GFRA1: variants seen among roughly 807,000 people sequenced by gnomAD.
GFRA1 encodes the protein GDNF family receptor alpha-1.
In GFRA1, 16 loss-of-function variants were observed where a neutral mutation model predicts 51.6. The observed-to-expected ratio is 0.31, with a 90% confidence interval of 0.21 to 0.47. GFRA1 has a LOEUF of 0.47. GFRA1 is among the 20% of genes least tolerant of loss of function. The probability of loss-of-function intolerance (pLI) is 1.00; values close to 1 mark genes in which losing one functional copy is unlikely to be tolerated. For synonymous variants in GFRA1, 270 were observed against 241.3 expected, an observed-to-expected ratio of 1.12 and a Z score of -1.10; for missense variants, 530 against 594.3, an observed-to-expected ratio of 0.89 and a Z score of 1.13.
At chr10:116,093,621 G>T in intron 8 of GFRA1, 81 bp downstream of exon 8, 1 of 1,244,518 alleles carries the variant, frequency 8.0e-7, no homozygotes, top group Non-Finnish European at 1.2e-6. Context: ...AGAGGTACAG[G>T]CACAAGGTAC....
chr10:116,120,738 T>C (rs1589804507), intron 6 of GFRA1, among the ~76,000 whole-genome samples: 2 of 152,278 alleles, frequency 1.3e-5, no homozygotes, highest in African/African-American at 4.8e-5. Flanking sequence ...CAGAGCAAAA[T>C]GTCATGCTTT....
At chr10:116,089,714 A>G in intron 9 of GFRA1, 27 bp downstream of exon 9, 1 of 1,603,952 alleles carries the variant, frequency 6.2e-7, no homozygotes, top group Non-Finnish European at 8.5e-7. Context: ...AGGGAGCCCC[A>G]GCAAGGAATC....
At chr10:116,258,777 C>A (rs186976972) in intron 4 of GFRA1, among the ~76,000 whole-genome samples, 10 of 152,240 alleles carry the variant, frequency 6.6e-5, no homozygotes, top group Middle Eastern at 3.4e-3. Context: ...GCTAAGAGTA[C>A]CTCTACTGAA....
chr10:116,064,114 C>A lies in GFRA1; in HGVS notation c.*284G>T. 1 of 330,354 alleles carries A rather than the reference C, an allele frequency of 3.0e-6. No homozygotes were observed. Among genetic ancestry groups the A allele is most frequent in the Non-Finnish European group, 5.7e-6 (1 of 175,930 alleles). 20.5% of individuals were successfully genotyped at this position (330,354 alleles called of 1,614,324 possible). A position where few individuals can be genotyped will look rare whatever the true frequency, so the allele number is the denominator to read the frequency against. The stretch of plus-strand genomic sequence containing the variant: ...ATGATCATCATCATCATCGAAAACA[C>A]AGCCCCAGTTTGCTTTACAGCCCAA... On this transcript the variant is annotated 3_prime_UTR_variant, in exon 11 of 11. Transcript: ENST00000355422.
chr10:116,267,587 C>A (rs895732100), intron 4 of GFRA1, among the ~76,000 whole-genome samples: 2 of 152,190 alleles, frequency 1.3e-5, no homozygotes, highest in South Asian at 4.2e-4. Flanking sequence ...AGGTTCATAC[C>A]CTTCCAGGCA....
chr10:116,254,693 G>A (rs1077114), intron 4 of GFRA1, among the ~76,000 whole-genome samples: 57,114 of 152,032 alleles, frequency 0.38, 12,159 homozygotes, highest in African/African-American at 0.58. Context: ...CTGGGAACCA[G>A]TATAGCTAAA....
At chr10:116,255,412 C>T (rs1400818150) in intron 4 of GFRA1, among the ~76,000 whole-genome samples, 2 of 151,734 alleles carry the variant, frequency 1.3e-5, no homozygotes, top group Non-Finnish European at 2.9e-5. Context: ...GAACCTTATA[C>T]TGCTAATAGA....
At chr10:116,135,816 T>C (rs1261601058) in intron 5 of GFRA1, among the ~76,000 whole-genome samples, 1 of 152,122 alleles carries the variant, frequency 6.6e-6, no homozygotes, top group African/African-American at 2.4e-5. Flanking sequence ...AAAACCATAA[T>C]TGGATTTCAA....
intron 9 of GFRA1, among the ~76,000 whole-genome samples, chr10:116,083,459 A>G (rs1955946946): frequency 6.6e-6 from 1 of 152,240 alleles, no homozygotes; most frequent in African/African-American, 2.4e-5. Context: ...CATAAATTGC[A>G]AGAAAAACAT....
intron 4 of GFRA1, among the ~76,000 whole-genome samples, chr10:116,261,870 C>A (rs1261061710): frequency 6.6e-6 from 1 of 152,160 alleles, no homozygotes; most frequent in African/African-American, 2.4e-5. Flanking sequence ...ACAAAAGGAG[C>A]AGATGACTCT....
intron 5 of GFRA1, among the ~76,000 whole-genome samples, chr10:116,145,839 T>A (rs1408710271): frequency 6.6e-6 from 1 of 152,160 alleles, no homozygotes; most frequent in Non-Finnish European, 1.5e-5. Context: ...AACTATGGTA[T>A]ATTCACACAA....
At chr10:116,257,585 G>A (rs1968970751) in intron 4 of GFRA1, among the ~76,000 whole-genome samples, 1 of 152,140 alleles carries the variant, frequency 6.6e-6, no homozygotes, top group South Asian at 2.1e-4. Context: ...CTTCTATGAT[G>A]AGAGGTTACT....
At chr10:116,070,643 T>C (rs1955338992) in intron 9 of GFRA1, among the ~76,000 whole-genome samples, 1 of 152,174 alleles carries the variant, frequency 6.6e-6, no homozygotes. Context: ...TTCTATTGTG[T>C]ACGTGATACC....
chr10:116,134,614 A>T (rs1288645753), intron 5 of GFRA1, among the ~76,000 whole-genome samples: 2 of 152,246 alleles, frequency 1.3e-5, no homozygotes, highest in Admixed American at 6.5e-5. Context: ...ATTGTATTAC[A>T]TGATGATGAA....
intron 5 of GFRA1, among the ~76,000 whole-genome samples, chr10:116,140,851 T>A (rs971238390): frequency 2.6e-5 from 4 of 152,294 alleles, no homozygotes; most frequent in Middle Eastern, 6.8e-3. Context: ...GGAATCACAA[T>A]CACCTGCTGA....
rs535376301 is a variant in GFRA1, at chr10:116,264,101, C to T, written c.418+5402G>A. On this transcript the variant is annotated intron_variant, in intron 4 of 10. Transcript: ENST00000355422. ...GACTCAGCTGGAAATGCTGGTTTAG[C>T]GCTCAAGAGAGGCTGCAGTAGGAAG... Among the ~76,000 whole-genome samples, 3 of 152,196 alleles carry T rather than the reference C, an allele frequency of 2.0e-5. No homozygotes were observed. In the South Asian group the frequency reaches 6.2e-4, roughly 32 times the overall value.
intron 5 of GFRA1, among the ~76,000 whole-genome samples, chr10:116,202,676 G>A (rs1021121934): frequency 6.6e-5 from 10 of 151,930 alleles, no homozygotes; most frequent in Non-Finnish European, 1.2e-4. Flanking sequence ...AGAGCTAAGG[G>A]GGACATGCCA....
chr10:116,186,812 C>G (rs1270754613), intron 5 of GFRA1, among the ~76,000 whole-genome samples: 1 of 152,182 alleles, frequency 6.6e-6, no homozygotes, highest in Non-Finnish European at 1.5e-5. Context: ...CTAGGACTTT[C>G]TCCCCAAAGA....
chr10:116,172,666 G>A (rs997590457), intron 5 of GFRA1, among the ~76,000 whole-genome samples: 2 of 152,134 alleles, frequency 1.3e-5, no homozygotes, highest in African/African-American at 2.4e-5. Flanking sequence ...TAGTAGCTCC[G>A]ACTGGCTGGG....
Sources: gnomAD v4.1 joint callset for allele counts (sites outside exome capture counted in the v4.1 genomes callset) on GRCh38, gnomAD v4.1.1 for gene constraint, MANE v1.5 for transcripts, NCBI Gene and HGNC (gene_info 2026-07-23, HGNC 2026-07-21) for gene names.